Variants in C1orf198 observed in about 807,000 individuals in gnomAD.
C1orf198 encodes uncharacterized protein C1orf198.
C1orf198 carries 17 observed loss-of-function variants against 31.4 expected under a neutral mutation model. That is an observed-to-expected ratio of 0.54 (90% confidence interval 0.37 to 0.81). C1orf198 has a LOEUF of 0.81. Among genes scored for constraint, C1orf198 ranks in the 40% least tolerant of loss-of-function variants. C1orf198 has a pLI of 0.00. For missense variants in C1orf198, 401 were observed against 450.3 expected (o/e 0.89, Z 0.99); for synonymous variants, 175 against 193.8 (o/e 0.90, Z 0.81).
intron 2 of C1orf198, among the ~76,000 whole-genome samples, chr1:230,844,582 G>C (rs1327564273): frequency 2.0e-5 from 3 of 152,192 alleles, no homozygotes; most frequent in African/African-American, 7.2e-5. Flanking sequence ...CAAGATATCT[G>C]AGTATTACCG....
chr1:230,845,065 C>G (rs1194379177), intron 2 of C1orf198, among the ~76,000 whole-genome samples: 1 of 152,140 alleles, frequency 6.6e-6, no homozygotes, highest in Admixed American at 6.5e-5. Flanking sequence ...TTCCCTGCCT[C>G]TTTCTAAAAT....
Position 230,837,393 on chromosome 1 carries a change from T to G in C1orf198, c.*2459A>C, listed in dbSNP as rs1669330307. 1 of 152,200 alleles carries G rather than the reference T, an allele frequency of 6.6e-6. No individual in the cohort carries two copies. The highest frequency in any genetic ancestry group is 2.4e-5 in the African/African-American group (1 of 41,424). The allele number at this position is 152,200 out of a possible 1,614,324, so 9.4% of individuals were successfully genotyped here. On this transcript the variant is annotated 3_prime_UTR_variant, in exon 4 of 4. Coordinates refer to ENST00000366663, the MANE Select transcript of C1orf198 (RefSeq NM_032800.3). ...CTGGTTGCTGATTTCTTGGGGGAAC[T>G]TTTGTAAAAATGAAGACACTGAATC... is the stretch of plus-strand genomic sequence containing the variant.
intron 3 of C1orf198, among the ~76,000 whole-genome samples, chr1:230,841,382 T>TG (rs1465306100): frequency 1.3e-5 from 2 of 152,252 alleles, no homozygotes; most frequent in East Asian, 3.9e-4. Flanking sequence ...GAGGGAGGTG[T>TG]GGAAGTACTG....
At chr1:230,851,407 T>C (rs1669739815) in intron 2 of C1orf198, among the ~76,000 whole-genome samples, 1 of 152,192 alleles carries the variant, frequency 6.6e-6, no homozygotes, top group African/African-American at 2.4e-5. Context: ...AAGCAGGGCC[T>C]GACCTGCCCC....
chr1:230,843,747 G>C lies in C1orf198; in HGVS notation c.534C>G (p.Ala178=). Residue 178 remains alanine, a synonymous_variant, in exon 3 of 4, where the codon GCC becomes GCG. Transcript: ENST00000366663. The surrounding 1 kb of genome is among the most constrained non-coding windows in gnomAD (Gnocchi z 4.9). ...CCTCCTCCTTCCTGGTGGGGCCCAGGGCGTCCAGGCTGGAGGACCTGCTGC... is the reference window on the plus strand; with the variant it reads ...CCTCCTCCTTCCTGGTGGGGCCCAGCGCGTCCAGGCTGGAGGACCTGCTGC... ...SQGSRSSSLD[A]LGPTRKEEEA... The C allele has an allele frequency of 1.2e-6, 2 of 1,614,076 alleles. No homozygotes were observed. Among genetic ancestry groups the C allele is most frequent in the South Asian group, 1.1e-5 (1 of 91,078 alleles).
intron 1 of C1orf198, among the ~76,000 whole-genome samples, chr1:230,860,248 T>G (rs1216585292): frequency 2.0e-5 from 3 of 152,168 alleles, no homozygotes; most frequent in African/African-American, 7.2e-5. Context: ...GGAACCCTTG[T>G]GCACTCTTGG....
intron 2 of C1orf198, among the ~76,000 whole-genome samples, chr1:230,852,649 T>C (rs1285826184): frequency 6.6e-6 from 1 of 152,210 alleles, no homozygotes; most frequent in Non-Finnish European, 1.5e-5. Context: ...CACCAGACTA[T>C]ACACATAAAC....
chr1:230,843,605 G>T lies in C1orf198; in HGVS notation c.676C>A (p.Pro226Thr), dbSNP rs762593875. ...KSMEKGEKVL[P>T]PCYRQEPAPK... ...GCAGGTTCCTGCCGGTAGCAGGGAG[G>T]CAAGACCTTTTCCCCCTTCTCCATG... The change falls in exon 3 of 4, where the codon CCT (proline) becomes ACT (threonine). Residue 226 changes from proline to threonine, a missense_variant. Physicochemically the swap from Pro to Thr is conservative, Grantham distance 38. Coordinates refer to ENST00000366663, the MANE Select transcript of C1orf198 (RefSeq NM_032800.3). This position sits in a 1 kb window ranked among gnomAD's most constrained non-coding sequence, Gnocchi z 4.9. 1.2e-6 allele frequency: 2 copies of T among 1,614,232 alleles called. No homozygotes were observed. The highest frequency in any genetic ancestry group is 1.7e-5 in the Admixed American group (1 of 60,032).
intron 1 of C1orf198, among the ~76,000 whole-genome samples, chr1:230,867,262 C>A (rs1484191962): frequency 6.6e-6 from 1 of 152,214 alleles, no homozygotes; most frequent in African/African-American, 2.4e-5. Context: ...TGGCACCAAA[C>A]AGGCTTCGGT....
At chr1:230,856,997 T>C (rs1477207927) in intron 1 of C1orf198, among the ~76,000 whole-genome samples, 1 of 152,178 alleles carries the variant, frequency 6.6e-6, no homozygotes, top group Non-Finnish European at 1.5e-5. Flanking sequence ...CCTCAGACAC[T>C]GGGGGCAAAT....
chr1:230,863,777 G>A (rs1435597880), intron 1 of C1orf198, among the ~76,000 whole-genome samples: 5 of 152,170 alleles, frequency 3.3e-5, no homozygotes, highest in Non-Finnish European at 7.3e-5. Flanking sequence ...AATTGAAGCA[G>A]GGCCATCTCA....
At chr1:230,841,357 G>A (rs937273369) in intron 3 of C1orf198, among the ~76,000 whole-genome samples, 5 of 152,204 alleles carry the variant, frequency 3.3e-5, no homozygotes, top group Non-Finnish European at 7.3e-5. Flanking sequence ...AGGACAGCAC[G>A]TGCAGCCATC....
rs1670166979 is a variant in C1orf198, at chr1:230,868,258, G to A, written c.255C>T (p.Pro85=). 1 of 1,573,222 alleles carries A rather than the reference G, an allele frequency of 6.4e-7. No individual in the cohort carries two copies. The highest frequency in any genetic ancestry group is 8.6e-7 in the Non-Finnish European group (1 of 1,162,022). ...VGPRAPAPRD[P]GDSEELTRFP... The stretch of plus-strand genomic sequence containing the variant: ...AGCGCGTGAGCTCCTCCGAGTCCCC[G>A]GGGTCTCGGGGCGCCGGGGCGCGCG... The change falls in exon 1 of 4, where the codon CCC becomes CCT. Residue 85 remains proline, a synonymous_variant. Transcript: ENST00000366663.
chr1:230,852,711 T>C (rs552437946), intron 2 of C1orf198, among the ~76,000 whole-genome samples: 2 of 152,080 alleles, frequency 1.3e-5, no homozygotes, highest in East Asian at 3.9e-4. Context: ...CAATTAAAAA[T>C]AAAACTTAAA....
intron 1 of C1orf198, among the ~76,000 whole-genome samples, chr1:230,856,647 G>A (rs1669882084): frequency 6.6e-6 from 1 of 152,156 alleles, no homozygotes; most frequent in Non-Finnish European, 1.5e-5. Context: ...CCTGCCTTGG[G>A]TGTCCAGAGC....
chr1:230,863,453 T>C (rs182402828), intron 1 of C1orf198, among the ~76,000 whole-genome samples: 2 of 152,266 alleles, frequency 1.3e-5, no homozygotes, highest in South Asian at 2.1e-4. Flanking sequence ...GGGAATCCCT[T>C]GCTTAGAGTG....
At chr1:230,847,194 G>T (rs34829788) in intron 2 of C1orf198, among the ~76,000 whole-genome samples, 1 of 148,744 alleles carries the variant, frequency 6.7e-6, no homozygotes, top group South Asian at 2.1e-4. Flanking sequence ...CAGGAGAATC[G>T]CTTGAACTCA....
rs1362613778 is a variant in C1orf198 at position 230,857,674 on chromosome 1, C to T, written c.334-1956G>A. 6.6e-6 allele frequency among the ~76,000 whole-genome samples: 1 copy of T among 152,142 alleles called. No individual in the cohort carries two copies. The highest frequency in any genetic ancestry group is 1.5e-5 in the Non-Finnish European group (1 of 68,030). Reference sequence around the variant, plus strand: ...AGGAGACTGTCAAAAGGCCAGAATCCAGGTCTTTATTTTCCCAGGACAGCA... The same window carrying T: ...AGGAGACTGTCAAAAGGCCAGAATCTAGGTCTTTATTTTCCCAGGACAGCA... On this transcript the variant is annotated intron_variant, in intron 1 of 3. Transcript: ENST00000366663. This position sits in a 1 kb window ranked among gnomAD's most constrained non-coding sequence, Gnocchi z 4.2.
chr1:230,854,643 C>A (rs568852990), intron 2 of C1orf198, among the ~76,000 whole-genome samples: 12 of 152,170 alleles, frequency 7.9e-5, no homozygotes, highest in African/African-American at 2.9e-4. Flanking sequence ...CCAGGGCAAT[C>A]GGCAATAGCT....
Sources: allele counts gnomAD v4.1 joint callset (sites outside exome capture counted in the v4.1 genomes callset), GRCh38; gene constraint gnomAD v4.1.1; non-coding constraint Gnocchi (gnomAD v3.1); transcripts MANE v1.5; gene names NCBI Gene and HGNC (gene_info 2026-07-23, HGNC 2026-07-21).